RHD: variants seen among roughly 807,000 people sequenced by gnomAD.
RHD encodes the protein blood group Rh(D) polypeptide.
In RHD, 16 loss-of-function variants were observed where a neutral mutation model predicts 45.5. The ratio of observed to expected loss-of-function variants is 0.35; its 90% CI spans 0.24 to 0.53. The LOEUF (loss-of-function observed/expected upper bound fraction) is 0.53. Ranked by LOEUF, RHD falls within the 20% of genes least tolerant of loss-of-function variation. The probability of loss-of-function intolerance (pLI) is 0.92; values close to 1 mark genes in which losing one functional copy is unlikely to be tolerated. For synonymous variants in RHD, 131 were observed against 217.5 expected (o/e 0.60, Z 3.50); for missense variants, 306 against 532.0 (o/e 0.58, Z 4.18).
chr1:25,286,444 G>A (rs1189989510), intron 2 of RHD, among the ~76,000 whole-genome samples: 2 of 134,662 alleles, frequency 1.5e-5, no homozygotes, highest in South Asian at 2.2e-4. Flanking sequence ...AGCCATGATC[G>A]TGCCACTTCA....
chr1:25,319,575 C>T (rs1287731662), intron 8 of RHD, among the ~76,000 whole-genome samples: 1 of 132,118 alleles, frequency 7.6e-6, no homozygotes, highest in Non-Finnish European at 1.8e-5. Context: ...TGCCACTGCA[C>T]TCCAGCCTGG....
intron 3 of RHD, among the ~76,000 whole-genome samples, chr1:25,295,850 ATTTTTTTTTTTTT>A (rs61131306): frequency 4.9e-5 from 4 of 81,320 alleles, no homozygotes; most frequent in African/African-American, 1.7e-4. Flanking sequence ...AATATGGGAA[ATTTTTTTTTTTTT>A]TTTTTTTTTT....
chr1:25,286,200 G>T (rs1220638228), intron 2 of RHD, among the ~76,000 whole-genome samples: 2 of 135,466 alleles, frequency 1.5e-5, no homozygotes, highest in East Asian at 3.9e-4. Context: ...TTTTTAAAAG[G>T]TTTAGAGGCT....
At chr1:25,277,587 T>A (rs28362148) in intron 1 of RHD, among the ~76,000 whole-genome samples, 3,122 of 129,854 alleles carry the variant, frequency 0.024, 227 homozygotes, top group African/African-American at 0.077. Flanking sequence ...CCTCTGTTTC[T>A]ACTTCTGTCA....
Position 25,290,969 on chromosome 1 carries a change from T to A in RHD, c.486+178T>A, listed in dbSNP as rs1642450026. On this transcript the variant is annotated intron_variant, in intron 3 of 9. Coordinates refer to ENST00000328664, the MANE Select transcript of RHD (RefSeq NM_016124.6). ...GACCAGCCTGGGCATCATAGCAAGA[T>A]CCTCATCTCTAAAAAGTAATTTTTT... is the stretch of plus-strand genomic sequence containing the variant. 4.6e-5 allele frequency among the ~76,000 whole-genome samples: 6 copies of A among 129,654 alleles called. 2 individuals carry two copies. The highest frequency in any genetic ancestry group is 4.5e-4 in the Admixed American group (6 of 13,344). 85.1% of individuals were successfully genotyped at this position (129,654 alleles called of 152,430 possible).
intron 3 of RHD, chr1:25,294,690 G>A: frequency 3.4e-6 from 2 of 592,670 alleles, no homozygotes; most frequent in Non-Finnish European, 6.4e-6. Flanking sequence ...AAATGGCAGG[G>A]ACTGTGAATA....
In RHD at chr1:25,320,082, G is replaced by C. The variant is rs1300427013; in HGVS notation, c.1154-1807G>C. Reference sequence around the variant, plus strand: ...CCCGGCTAATTTTGTATTTTTAGTAGAGACAGGGTTTCTCCATGTTGGTCA... The same window carrying C: ...CCCGGCTAATTTTGTATTTTTAGTACAGACAGGGTTTCTCCATGTTGGTCA... On this transcript the variant is annotated intron_variant, in intron 8 of 9. Coordinates refer to ENST00000328664, the MANE Select transcript of RHD (RefSeq NM_016124.6). 6.1e-5 allele frequency among the ~76,000 whole-genome samples: 8 copies of C among 131,032 alleles called. 1 individual carries two copies. Among genetic ancestry groups the C allele is most frequent in the East Asian group, 3.9e-4 (2 of 5,098 alleles). 86.0% of individuals were successfully genotyped at this position (131,032 alleles called of 152,430 possible).
chr1:25,309,438 T>C (rs1190679841), intron 7 of RHD, among the ~76,000 whole-genome samples: 1 of 131,924 alleles, frequency 7.6e-6, no homozygotes, highest in Non-Finnish European at 1.8e-5. Context: ...GGAGAGATTT[T>C]AGCAACATTT....
intron 8 of RHD, among the ~76,000 whole-genome samples, chr1:25,320,100 G>A (rs1310381889): frequency 7.6e-6 from 1 of 131,226 alleles, no homozygotes; most frequent in Non-Finnish European, 1.8e-5. Flanking sequence ...GTTTCTCCAT[G>A]TTGGTCATGC....
At chr1:25,297,884 C>G (rs1221917187) in intron 3 of RHD, among the ~76,000 whole-genome samples, 2 of 131,716 alleles carry the variant, frequency 1.5e-5, no homozygotes, top group Non-Finnish European at 3.6e-5. Context: ...GGAGGTGCTG[C>G]CAGACTCAGG....
At position 25,289,887 on chromosome 1, in the gene RHD, C is replaced by T. The variant is rs1324009526; in HGVS notation, c.336-754C>T. Among the ~76,000 whole-genome samples the T allele has an allele frequency of 1.6e-5, 2 of 128,558 alleles. 1 individual carries two copies. Among genetic ancestry groups the T allele is most frequent in the Non-Finnish European group, 3.6e-5 (2 of 54,986 alleles). The allele number at this position is 128,558 out of a possible 152,430, so 84.3% of individuals were successfully genotyped here. On this transcript the variant is annotated intron_variant, in intron 2 of 9. Coordinates refer to ENST00000328664, the MANE Select transcript of RHD (RefSeq NM_016124.6). ...AAATAATTTTCTACTCCTGAGCATG[C>T]TCATTGGTCAAAGGAAGGAAGGAAT...
At position 25,280,758 on chromosome 1, in the gene RHD, C is replaced by T. The variant is rs1181987613; in HGVS notation, c.149-3815C>T. ...TCCTGAGTAGCTGGGACTACAGGCA[C>T]TCGCCACCACGCCCAAGTAATTTTG... On this transcript the variant is annotated intron_variant, in intron 1 of 9. Transcript: ENST00000328664. 3.1e-5 allele frequency among the ~76,000 whole-genome samples: 4 copies of T among 130,790 alleles called. No individual in the cohort carries two copies. The East Asian group carries it at 5.9e-4, about 19-fold the overall frequency. The allele number at this position is 130,790 out of a possible 152,430, so 85.8% of individuals were successfully genotyped here. A position where few individuals can be genotyped will look rare whatever the true frequency, so the allele number is the denominator to read the frequency against.
intron 1 of RHD, among the ~76,000 whole-genome samples, chr1:25,279,294 G>A (rs1024211789): frequency 8.6e-5 from 11 of 128,006 alleles, no homozygotes; most frequent in African/African-American, 1.1e-4. Flanking sequence ...ATGAGCCAGC[G>A]AGCTCAATGC....
chr1:25,307,832 T>C, intron 7 of RHD: 1 of 1,301,268 alleles, frequency 7.7e-7, no homozygotes, highest in Non-Finnish European at 1.1e-6. Context: ...ACATCCTTGC[T>C]TGGGATGAGG....
rs1427724347 is a variant in RHD, at chr1:25,309,437, T to G, written c.1073+2708T>G. Among the ~76,000 whole-genome samples the G allele has an allele frequency of 1.5e-5, 2 of 131,750 alleles. 1 individual carries two copies. Among genetic ancestry groups the G allele is most frequent in the African/African-American group, 5.3e-5 (2 of 37,994 alleles). The allele number at this position is 131,750 out of a possible 152,430, so 86.4% of individuals were successfully genotyped here. A position where few individuals can be genotyped will look rare whatever the true frequency, so the allele number is the denominator to read the frequency against. ...CAGACTGCCATATCTGGGAGAGATT[T>G]TAGCAACATTTTGTTTTCATTGTAT... On this transcript the variant is annotated intron_variant, in intron 7 of 9. Transcript: ENST00000328664.
intron 1 of RHD, among the ~76,000 whole-genome samples, chr1:25,282,877 A>G (rs1295797994): frequency 1.5e-5 from 2 of 130,414 alleles, no homozygotes; most frequent in Admixed American, 1.5e-4. Context: ...CCTGGGCAAC[A>G]GAGAGACTCT....
intron 2 of RHD, among the ~76,000 whole-genome samples, chr1:25,285,846 T>A (rs1641939640): frequency 7.4e-6 from 1 of 134,382 alleles, no homozygotes. Flanking sequence ...CCTAGGCATC[T>A]TAGGGACCTC....
At chr1:25,301,138 G>C in intron 4 of RHD, 45 bp downstream of exon 4, 1 of 1,351,862 alleles carries the variant, frequency 7.4e-7, no homozygotes, top group Non-Finnish European at 1.0e-6. Flanking sequence ...GGGCTGAGCA[G>C]AATGGCTCAG....
chr1:25,306,436 A>T (rs1385933026), intron 6 of RHD, among the ~76,000 whole-genome samples, 160 bp from the exon 7 acceptor site: 8 of 131,786 alleles, frequency 6.1e-5, no homozygotes, highest in African/African-American at 1.8e-4. Flanking sequence ...AAACTCCCCG[A>T]TGATGTGAGT....
Sources: allele counts gnomAD v4.1 joint callset (sites outside exome capture counted in the v4.1 genomes callset), GRCh38; gene constraint gnomAD v4.1.1; transcripts MANE v1.5; gene names NCBI Gene and HGNC (gene_info 2026-07-23, HGNC 2026-07-21).